Variants in BASP1 observed in about 807,000 individuals in gnomAD.
The protein encoded by BASP1 is brain acid soluble protein 1.
A neutral mutation model predicts 2.2 loss-of-function variants in BASP1; 1 was observed. The ratio of observed to expected loss-of-function variants is 0.46; its 90% CI spans 0.16 to 2.17. The LOEUF (loss-of-function observed/expected upper bound fraction) is 2.17, where lower values mean the gene tolerates loss of function less well. Ranked by LOEUF, BASP1 falls within the 30% of genes most tolerant of loss-of-function variation. BASP1 has a pLI of 0.27. For synonymous variants in BASP1, 187 were observed against 154.2 expected (o/e 1.21, Z -1.58); for missense variants, 352 against 327.2 (o/e 1.08, Z -0.58).
At position 17,275,983 on chromosome 5, in the gene BASP1, ATCTCCTCTCTCTC is replaced by A. The variant is rs1740652329; in HGVS notation, c.*93_*105del. On this transcript the variant is annotated 3_prime_UTR_variant, in exon 2 of 2. Transcript: ENST00000322611. The surrounding 1 kb of genome is among the most constrained non-coding windows in gnomAD (Gnocchi z 5.3). ...TCTCTCTCTCTCTATCTCTCTCTCT[ATCTCCTCTCTCTC>A]TCTCCTCTCCTATCTCTCCTCTCTC... The A allele has an allele frequency of 6.3e-5, 75 of 1,191,362 alleles. No individual in the cohort carries two copies. The highest frequency in any genetic ancestry group is 1.7e-4 in the Admixed American group (5 of 29,978). 73.8% of individuals were successfully genotyped at this position (1,191,362 alleles called of 1,614,324 possible). A position where few individuals can be genotyped will look rare whatever the true frequency, so the allele number is the denominator to read the frequency against.
At chr5:17,252,943 T>C (rs796374092) in intron 1 of BASP1, among the ~76,000 whole-genome samples, 4 of 152,302 alleles carry the variant, frequency 2.6e-5, no homozygotes, top group African/African-American at 9.6e-5. Flanking sequence ...GCTCCTCAAC[T>C]CTGCTCTTGA....
At chr5:17,249,504 C>T (rs903896817) in intron 1 of BASP1, among the ~76,000 whole-genome samples, 1 of 152,126 alleles carries the variant, frequency 6.6e-6, no homozygotes, top group African/African-American at 2.4e-5. Flanking sequence ...GAGGCTTTTC[C>T]AGTCACATTG....
chr5:17,243,337 A>G (rs903538986), intron 1 of BASP1, among the ~76,000 whole-genome samples: 1 of 152,074 alleles, frequency 6.6e-6, no homozygotes, highest in Non-Finnish European at 1.5e-5. Flanking sequence ...TATTTTTAGT[A>G]GAGACAGGGT....
At chr5:17,250,280 T>C (rs1740075481) in intron 1 of BASP1, among the ~76,000 whole-genome samples, 2 of 152,298 alleles carry the variant, frequency 1.3e-5, no homozygotes, top group South Asian at 4.1e-4. Flanking sequence ...CCACTTGACT[T>C]TAAAAGGTCG....
Position 17,276,641 on chromosome 5 carries a change from A to C in BASP1, c.*741A>C, listed in dbSNP as rs1740668197. On this transcript the variant is annotated 3_prime_UTR_variant, in exon 2 of 2. Transcript: ENST00000322611. ...TATTGGTCAGTGGAAATGAAAAAAAAAAAAAAAAAAAGTCTGCGTTCATTG... is the reference window on the plus strand; with the variant it reads ...TATTGGTCAGTGGAAATGAAAAAAACAAAAAAAAAAAGTCTGCGTTCATTG... 1 of 164,390 alleles carries C rather than the reference A, an allele frequency of 6.1e-6. No individual in the cohort carries two copies. Among genetic ancestry groups the C allele is most frequent in the South Asian group, 2.1e-4 (1 of 4,794 alleles). The allele number at this position is 164,390 out of a possible 1,614,324, so 10.2% of individuals were successfully genotyped here. A position where few individuals can be genotyped will look rare whatever the true frequency, so the allele number is the denominator to read the frequency against.
chr5:17,238,834 G>A (rs1306261638), intron 1 of BASP1, among the ~76,000 whole-genome samples: 4 of 152,096 alleles, frequency 2.6e-5, no homozygotes, highest in African/African-American at 9.7e-5. Flanking sequence ...TTCTTTTTGA[G>A]TGTCAGTTAT....
chr5:17,273,633 T>C (rs139051633), intron 1 of BASP1, among the ~76,000 whole-genome samples: 1 of 152,210 alleles, frequency 6.6e-6, no homozygotes, highest in South Asian at 2.1e-4. Flanking sequence ...TATTTCACTG[T>C]CATGAATCTT....
chr5:17,247,461 G>A (rs948838021), intron 1 of BASP1, among the ~76,000 whole-genome samples: 3 of 152,208 alleles, frequency 2.0e-5, no homozygotes, highest in African/African-American at 7.2e-5. Flanking sequence ...AAACCCATCA[G>A]TGTTATTATG....
intron 1 of BASP1, among the ~76,000 whole-genome samples, chr5:17,259,573 ATAGCAT>A (rs1297216298): frequency 6.6e-6 from 1 of 152,220 alleles, no homozygotes; most frequent in Non-Finnish European, 1.5e-5. Context: ...AAAATATGAA[ATAGCAT>A]TAGGACTGAA....
chr5:17,245,431 A>G (rs1360120023), intron 1 of BASP1, among the ~76,000 whole-genome samples: 3 of 152,162 alleles, frequency 2.0e-5, no homozygotes, highest in African/African-American at 7.2e-5. Context: ...TTTATGTTAT[A>G]ATTGTTGATA....
rs962964821 is a variant in BASP1 at position 17,275,971 on chromosome 5, A to ATC, written c.*81_*82dup. 2 of 812,830 alleles carry ATC rather than the reference A, an allele frequency of 2.5e-6. No individual in the cohort carries two copies. The highest frequency in any genetic ancestry group is 3.4e-6 in the Non-Finnish European group (2 of 585,710). 50.4% of individuals were successfully genotyped at this position (812,830 alleles called of 1,614,324 possible). On this transcript the variant is annotated 3_prime_UTR_variant, in exon 2 of 2. Coordinates refer to ENST00000322611, the MANE Select transcript of BASP1 (RefSeq NM_006317.5). The surrounding 1 kb of genome is among the most constrained non-coding windows in gnomAD (Gnocchi z 5.3). ...TCTCTCTCTCTCTCTCTCTCTCTCT[A>ATC]TCTCTCTCTCTATCTCCTCTCTCTC...
intron 1 of BASP1, among the ~76,000 whole-genome samples, chr5:17,225,335 G>T (rs1241004233): frequency 6.6e-6 from 1 of 151,270 alleles, no homozygotes; most frequent in East Asian, 1.9e-4. Context: ...GACCTCTTCG[G>T]CCTTTTAATA....
At chr5:17,274,251 T>A (rs948080503) in intron 1 of BASP1, among the ~76,000 whole-genome samples, 2 of 152,176 alleles carry the variant, frequency 1.3e-5, no homozygotes, top group African/African-American at 4.8e-5. Flanking sequence ...CTACTTTTTT[T>A]AAGCTGAAAA....
rs555334300 is a variant in BASP1 at position 17,262,845 on chromosome 5, ATCT to A, written c.-9-12358_-9-12356del. ...AAAGATATTTCCTCACTAAGATCAA[ATCT>A]TCTTTTTTTTTTTTTTGAGAAGGAG... On this transcript the variant is annotated intron_variant, in intron 1 of 1. Transcript: ENST00000322611. Among the ~76,000 whole-genome samples, 291 of 148,204 alleles carry A rather than the reference ATCT, an allele frequency of 2.0e-3. 2 individuals carry two copies. Among genetic ancestry groups the A allele is most frequent in the African/African-American group, 7.0e-3 (275 of 39,012 alleles).
intron 1 of BASP1, among the ~76,000 whole-genome samples, chr5:17,234,666 G>A (rs1739707014): frequency 6.6e-6 from 1 of 152,202 alleles, no homozygotes; most frequent in African/African-American, 2.4e-5. Flanking sequence ...GGAGTTGGGA[G>A]ACGCATCTCC....
At chr5:17,250,753 C>T (rs969037728) in intron 1 of BASP1, among the ~76,000 whole-genome samples, 6 of 152,092 alleles carry the variant, frequency 3.9e-5, no homozygotes, top group African/African-American at 1.4e-4. Context: ...TACAGGTGCC[C>T]ACCACCATGC....
intron 1 of BASP1, among the ~76,000 whole-genome samples, chr5:17,243,027 A>G (rs1467274580): frequency 6.6e-6 from 1 of 152,138 alleles, no homozygotes; most frequent in African/African-American, 2.4e-5. Context: ...AAACCAGATC[A>G]TGTGTGTAAA....
rs544555086 is a variant in BASP1, at chr5:17,244,978, AC to A, written c.-10+27169del. On this transcript the variant is annotated intron_variant, in intron 1 of 1. Coordinates refer to ENST00000322611, the MANE Select transcript of BASP1 (RefSeq NM_006317.5). ...GCGTGAGCCACCATGCCCAGCCGAT[AC>A]TATAATTATAGTTTTAAAAAATGTA... 1.9e-3 allele frequency among the ~76,000 whole-genome samples: 281 copies of A among 149,300 alleles called. 3 individuals are homozygous for A. The highest frequency in any genetic ancestry group is 2.7e-3 in the Admixed American group (41 of 15,010).
rs1740601158 is a variant in BASP1, at chr5:17,275,016, G to A, written c.-9-192G>A. 1.3e-5 allele frequency among the ~76,000 whole-genome samples: 2 copies of A among 152,064 alleles called. No homozygotes were observed. The highest frequency in any genetic ancestry group is 6.5e-5 in the Admixed American group (1 of 15,272). ...GGCATTCCAGCCTGGGTAACATAGCGAGACCCTGTCTCAAAAATAAATACA... is the reference window on the plus strand; with the variant it reads ...GGCATTCCAGCCTGGGTAACATAGCAAGACCCTGTCTCAAAAATAAATACA... On this transcript the variant is annotated intron_variant, in intron 1 of 1. Coordinates refer to ENST00000322611, the MANE Select transcript of BASP1 (RefSeq NM_006317.5). This position sits in a 1 kb window ranked among gnomAD's most constrained non-coding sequence, Gnocchi z 5.3.
Sources: allele counts gnomAD v4.1 joint callset (sites outside exome capture counted in the v4.1 genomes callset), GRCh38; gene constraint gnomAD v4.1.1; non-coding constraint Gnocchi (gnomAD v3.1); transcripts MANE v1.5; gene names NCBI Gene and HGNC (gene_info 2026-07-23, HGNC 2026-07-21).